The following MON2 variants were observed in gnomAD, a reference collection of about 807,000 sequenced individuals.
The protein encoded by MON2 is MON2 regulator of endosome-to-Golgi trafficking.
MON2 carries 84 observed loss-of-function variants against 208.6 expected under a neutral mutation model. That is an observed-to-expected ratio of 0.40 (90% CI 0.34 to 0.48). The LOEUF is 0.48. MON2 is among the 20% of genes least tolerant of loss of function. The pLI is 0.59. For missense variants in MON2, 1,611 were observed against 2,015.4 expected (o/e 0.80, Z 3.84); for synonymous variants, 660 against 694.0 (o/e 0.95, Z 0.77).
intron 30 of MON2, among the ~76,000 whole-genome samples, chr12:62,575,130 A>C (rs1386781529): frequency 6.6e-6 from 1 of 152,192 alleles, no homozygotes. Context: ...TGTCTCAACA[A>C]AGAAAGATGA....
At chr12:62,527,704 G>A (rs1306670167) in intron 11 of MON2, among the ~76,000 whole-genome samples, 1 of 151,996 alleles carries the variant, frequency 6.6e-6, no homozygotes, top group South Asian at 2.1e-4. Flanking sequence ...ATAACCTTGG[G>A]TAGTGGTTAA....
chr12:62,534,235 A>T (rs1015631484), intron 12 of MON2, among the ~76,000 whole-genome samples: 1 of 151,454 alleles, frequency 6.6e-6, no homozygotes, highest in Non-Finnish European at 1.5e-5. Context: ...TTAAAAAAAA[A>T]AATGGCTGGG....
Position 62,596,451 on chromosome 12 carries a change from A to C in MON2, c.*3702A>C, listed in dbSNP as rs530072989. The stretch of plus-strand genomic sequence containing the variant: ...ACAGTTTTTCAGAGAAAACTACCAC[A>C]GATGTAGACAAAAATGATCTCTGAA... On this transcript the variant is annotated 3_prime_UTR_variant, in exon 35 of 35. Coordinates refer to ENST00000393630, the MANE Select transcript of MON2 (RefSeq NM_015026.3). 1 of 152,348 alleles carries C rather than the reference A, an allele frequency of 6.6e-6. No homozygotes were observed. The highest frequency in any genetic ancestry group is 1.9e-4 in the East Asian group (1 of 5,188). 9.4% of individuals were successfully genotyped at this position (152,348 alleles called of 1,614,324 possible).
At chr12:62,524,151 G>T (rs1457348241) in intron 8 of MON2, among the ~76,000 whole-genome samples, 1 of 152,094 alleles carries the variant, frequency 6.6e-6, no homozygotes, top group Non-Finnish European at 1.5e-5. Flanking sequence ...CTGCTCTGAA[G>T]AGTAGAACGT....
intron 32 of MON2, among the ~76,000 whole-genome samples, chr12:62,581,071 T>C (rs752261140): frequency 5.9e-5 from 9 of 152,130 alleles, no homozygotes; most frequent in African/African-American, 2.2e-4. Context: ...GGAAAGAAAA[T>C]TGATTTAGAA....
chr12:62,592,750 C>T lies in MON2; in HGVS notation c.*1C>T. The T allele has an allele frequency of 6.3e-7, 1 of 1,586,708 alleles. No individual in the cohort carries two copies. The highest frequency in any genetic ancestry group is 1.1e-5 in the South Asian group (1 of 88,308). ...CAGAGTTCAAAATGGAGAATCTTGA[C>T]CGGCTACAATATATTTGAAAGCAGG... On this transcript the variant is annotated 3_prime_UTR_variant, in exon 35 of 35. Transcript: ENST00000393630.
intron 29 of MON2, among the ~76,000 whole-genome samples, chr12:62,570,456 C>T (rs1190328020): frequency 1.3e-5 from 2 of 152,076 alleles, no homozygotes; most frequent in African/African-American, 4.8e-5. Flanking sequence ...CTTCCCTCAC[C>T]ATTAGTGGGA....
At chr12:62,478,214 A>G (rs1410159650) in intron 1 of MON2, among the ~76,000 whole-genome samples, 1 of 152,116 alleles carries the variant, frequency 6.6e-6, no homozygotes, top group Non-Finnish European at 1.5e-5. Flanking sequence ...AACATTTATT[A>G]TATAGCTACT....
At chr12:62,493,765 A>T (rs1021740843) in intron 2 of MON2, 150 bp from the exon 3 acceptor site, 2 of 517,448 alleles carry the variant, frequency 3.9e-6, no homozygotes, top group Admixed American at 6.7e-5. Context: ...AAGGTATTTT[A>T]ACTCTTGGTA....
rs775323148 is a variant in MON2 at position 62,508,469 on chromosome 12, T to G, written c.973T>G (p.Tyr325Asp). ...RVVSVLIKQFYSLLVTECEIF... is the reference protein window; with the variant it reads ...RVVSVLIKQFDSLLVTECEIF... ...AGTATCTGTTCTGATTAAGCAGTTT[T>G]ACAGTCTTTTGGTAAGTGCTAATTT... Residue 325 changes from tyrosine (Y) to aspartate (D), a missense_variant, in exon 8 of 35, where the codon TAC becomes GAC. Physicochemically the swap from Tyr to Asp is radical, Grantham distance 160. Transcript: ENST00000393630. The G allele has an allele frequency of 6.2e-7, 1 of 1,613,820 alleles. No individual in the cohort carries two copies.
rs1330050567 is a variant in MON2, at chr12:62,594,801, T to C, written c.*2052T>C. 6.6e-6 allele frequency: 1 copy of C among 152,208 alleles called. No homozygotes were observed. Among genetic ancestry groups the C allele is most frequent in the South Asian group, 2.1e-4 (1 of 4,830 alleles). The allele number at this position is 152,208 out of a possible 1,614,324, so 9.4% of individuals were successfully genotyped here. On this transcript the variant is annotated 3_prime_UTR_variant, in exon 35 of 35. Coordinates refer to ENST00000393630, the MANE Select transcript of MON2 (RefSeq NM_015026.3). ...AAACATAGTGAATGTGTTAATATCA[T>C]ATAATAAGGTAATAAATGCCAGTCT... is the stretch of plus-strand genomic sequence containing the variant.
In MON2 at chr12:62,498,330, G is replaced by C. The variant is rs192824146; in HGVS notation, c.436-589G>C. 3.7e-3 allele frequency among the ~76,000 whole-genome samples: 568 copies of C among 152,252 alleles called. 3 individuals are homozygous for C. The highest frequency in any genetic ancestry group is 0.013 in the African/African-American group (544 of 41,548). On this transcript the variant is annotated intron_variant, in intron 4 of 34. Coordinates refer to ENST00000393630, the MANE Select transcript of MON2 (RefSeq NM_015026.3). The stretch of plus-strand genomic sequence containing the variant: ...CACATGGGTGTTTGCCTGGGGCCAC[G>C]GGTAGAGGAAGAGATGGGTGGCAAA...
chr12:62,560,753 C>T lies in MON2; in HGVS notation c.3672C>T (p.Ser1224=), dbSNP rs1293408448. 3.1e-6 allele frequency: 5 copies of T among 1,614,116 alleles called. No homozygotes were observed. Among genetic ancestry groups the T allele is most frequent in the Non-Finnish European group, 4.2e-6 (5 of 1,180,006 alleles). ...GAGAAAAACTAGGAAGATATAGTAGCTCTGAGCCACCCATTGTTACTGATG... is the reference window on the plus strand; with the variant it reads ...GAGAAAAACTAGGAAGATATAGTAGTTCTGAGCCACCCATTGTTACTGATG... ...SIGEKLGRYS[S]SEPPIVTDEL... is the part of the protein sequence containing the mutation. Residue 1224 remains serine, a synonymous_variant, in exon 26 of 35, where the codon AGC becomes AGT. Coordinates refer to ENST00000393630, the MANE Select transcript of MON2 (RefSeq NM_015026.3).
intron 19 of MON2, 49 bp from the exon 20 acceptor site, chr12:62,543,048 A>T: frequency 1.0e-6 from 1 of 990,478 alleles, no homozygotes; most frequent in African/African-American, 1.7e-5. Flanking sequence ...TAGTCTAATT[A>T]CTCAGAATTC....
chr12:62,527,651 G>A (rs961438631), intron 11 of MON2, among the ~76,000 whole-genome samples: 5 of 151,964 alleles, frequency 3.3e-5, no homozygotes, highest in South Asian at 2.1e-4. Flanking sequence ...ACACTTTAGC[G>A]AGTGAGATAG....
At chr12:62,502,112 C>T (rs1031682656) in intron 7 of MON2, among the ~76,000 whole-genome samples, 2 of 151,740 alleles carry the variant, frequency 1.3e-5, no homozygotes, top group African/African-American at 2.4e-5. Context: ...CTCAGCTACT[C>T]GGGAGGCTGA....
chr12:62,580,174 C>A, intron 31 of MON2, 123 bp from the exon 32 acceptor site: 2 of 902,016 alleles, frequency 2.2e-6, no homozygotes, highest in Non-Finnish European at 3.3e-6. Context: ...TGTTTGTGTA[C>A]TTCTTTAAAG....
intron 19 of MON2, among the ~76,000 whole-genome samples, chr12:62,541,107 C>T (rs538491529): frequency 6.6e-6 from 1 of 152,210 alleles, no homozygotes; most frequent in South Asian, 2.1e-4. Flanking sequence ...GCAGGCTGAG[C>T]GTGGTGGCTT....
intron 8 of MON2, among the ~76,000 whole-genome samples, chr12:62,510,591 C>T (rs1347869313): frequency 2.0e-5 from 3 of 152,186 alleles, no homozygotes; most frequent in Non-Finnish European, 4.4e-5. Context: ...ATCATCCTTT[C>T]ATGATAAAAA....
Sources: allele counts gnomAD v4.1 joint callset (sites outside exome capture counted in the v4.1 genomes callset), GRCh38; gene constraint gnomAD v4.1.1; transcripts MANE v1.5; gene names NCBI Gene and HGNC (gene_info 2026-07-23, HGNC 2026-07-21).